Variants in ASTL observed in about 807,000 individuals in gnomAD.
The protein encoded by ASTL is astacin-like metalloendopeptidase.
In ASTL, 27 loss-of-function variants were observed where a neutral mutation model predicts 36.7. The ratio of observed to expected loss-of-function variants is 0.73; its 90% CI spans 0.54 to 1.01. The LOEUF is 1.01. Among genes scored for constraint, ASTL ranks in the 50% least tolerant of loss-of-function variants. ASTL has a pLI of 0.00. For missense variants in ASTL, 524 were observed against 572.8 expected (o/e 0.91, Z 0.87); for synonymous variants, 222 against 228.1 (o/e 0.97, Z 0.24).
intron 3 of ASTL, 42 bp downstream of exon 3, chr2:96,135,309 G>A (rs920379586): frequency 8.2e-6 from 13 of 1,588,164 alleles, no homozygotes; most frequent in Non-Finnish European, 1.1e-5. Context: ...GTCGCCAACT[G>A]TGGGCTTATC....
intron 8 of ASTL, among the ~76,000 whole-genome samples, chr2:96,129,167 ATATT>A (rs1682119292): frequency 6.6e-6 from 1 of 152,218 alleles, no homozygotes; most frequent in African/African-American, 2.4e-5. Context: ...AGATTTATCT[ATATT>A]TAAGTATTAT....
intron 8 of ASTL, among the ~76,000 whole-genome samples, chr2:96,127,737 T>C (rs1316397923): frequency 6.6e-6 from 1 of 152,064 alleles, no homozygotes; most frequent in Non-Finnish European, 1.5e-5. Context: ...ACTATCCCAC[T>C]AATTTTTGTA....
Position 96,123,858 on chromosome 2 carries a change from C to T in ASTL, c.1288G>A (p.Glu430Lys), listed in dbSNP as rs200161060. ...GGACAGAAGCCACAGGCTTAATCTT[C>T]GGACATCCCCTTGAAATGATTTCTA... ...VPRNHFKGMS[E>K]D The change falls in exon 9 of 9, where the codon GAA becomes AAA. Residue 430 changes from glutamate (E) to lysine (K), a missense_variant. Physicochemically the swap from Glu to Lys is moderately conservative, Grantham distance 56. Coordinates refer to ENST00000342380, the MANE Select transcript of ASTL (RefSeq NM_001002036.4). The T allele has an allele frequency of 1.2e-5, 19 of 1,612,262 alleles. No individual in the cohort carries two copies. The highest frequency in any genetic ancestry group is 6.7e-5 in the African/African-American group (5 of 74,618).
In ASTL at chr2:96,132,649, G is replaced by C; in HGVS notation, c.528C>G (p.Gly176=). The change falls in exon 6 of 9, where the codon GGC becomes GGG. Residue 176 remains glycine, a synonymous_variant. Coordinates refer to ENST00000342380, the MANE Select transcript of ASTL (RefSeq NM_001002036.4). The surrounding 1 kb of genome is among the most constrained non-coding windows in gnomAD (Gnocchi z 5.4). ...TGAGCTCATGAAGGACAATGCCCCG[G>C]CCCTTCTGGAGACACGTGGGCGCCA... The part of the protein sequence containing the change: ...VSLAPTCLQK[G]RGIVLHELMH... 2.5e-6 allele frequency: 4 copies of C among 1,613,612 alleles called. No homozygotes were observed. The highest frequency in any genetic ancestry group is 3.4e-6 in the Non-Finnish European group (4 of 1,179,794).
At chr2:96,130,609 G>T (rs1682157268) in intron 6 of ASTL, among the ~76,000 whole-genome samples, 1 of 152,162 alleles carries the variant, frequency 6.6e-6, no homozygotes, top group South Asian at 2.1e-4. Flanking sequence ...TGTTCTTCCT[G>T]TGTCAGGCCA....
Position 96,123,977 on chromosome 2 carries a change from C to T in ASTL, c.1169G>A (p.Gly390Glu), listed in dbSNP as rs140146222. ...GVAQEQSWLA[G>E]VSTKPTVPSS... is the part of the protein sequence containing the mutation. ...TGGGACTGTGGGCTTGGTGGACACTCCGGCCAGCCAGGACTGCTCCTGAGC... is the reference window on the plus strand; with the variant it reads ...TGGGACTGTGGGCTTGGTGGACACTTCGGCCAGCCAGGACTGCTCCTGAGC... Residue 390 changes from glycine (G) to glutamate (E), a missense_variant, in exon 9 of 9, where the codon GGA (glycine) becomes GAA (glutamate). By Grantham distance (98) the Gly-to-Glu change is moderately conservative. Coordinates refer to ENST00000342380, the MANE Select transcript of ASTL (RefSeq NM_001002036.4). 3 of 1,613,898 alleles carry T rather than the reference C, an allele frequency of 1.9e-6. No homozygotes were observed. The highest frequency in any genetic ancestry group is 2.5e-6 in the Non-Finnish European group (3 of 1,180,000).
In ASTL at chr2:96,122,937, G is replaced by C. The variant is rs1192808961; in HGVS notation, c.*913C>G. Among the ~76,000 whole-genome samples, 1 of 152,258 alleles carries C rather than the reference G, an allele frequency of 6.6e-6. No homozygotes were observed. The highest frequency in any genetic ancestry group is 1.5e-5 in the Non-Finnish European group (1 of 68,046). On this transcript the variant is annotated 3_prime_UTR_variant, in exon 9 of 9. Transcript: ENST00000342380. ...CACCAAAACAGTACCCTTGGGGACT[G>C]AGGGGCCTCTGGCCTAGGCCCACTC...
chr2:96,138,508 C>T (rs1455287107), upstream of ASTL: 9 of 1,305,570 alleles, frequency 6.9e-6, no homozygotes, highest in Admixed American at 1.9e-5. Flanking sequence ...ATTGCAGAAC[C>T]GGCACCACCA....
Position 96,123,043 on chromosome 2 carries a change from G to A in ASTL, c.*807C>T, listed in dbSNP as rs892200314. ...GAGCTGGGGCAGAGGAGTAGGGCCT[G>A]CCTGGAGGAGGCCAGGCTGGGAGCT... On this transcript the variant is annotated 3_prime_UTR_variant, in exon 9 of 9. Transcript: ENST00000342380. Among the ~76,000 whole-genome samples the A allele has an allele frequency of 5.9e-5, 9 of 152,110 alleles. No individual in the cohort carries two copies. Among genetic ancestry groups the A allele is most frequent in the African/African-American group, 1.4e-4 (6 of 41,422 alleles).
In ASTL at chr2:96,124,001, G is replaced by A; in HGVS notation, c.1145C>T (p.Ala382Val). The part of the protein sequence containing the change: ...SRPGAGAPGV[A>V]QEQSWLAGVS... Reference sequence around the variant, plus strand: ...TCCGGCCAGCCAGGACTGCTCCTGAGCAACACCGGGGGCACCTGCTCCAGG... The same window carrying A: ...TCCGGCCAGCCAGGACTGCTCCTGAACAACACCGGGGGCACCTGCTCCAGG... The change falls in exon 9 of 9, where the codon GCT (alanine) becomes GTT (valine). Residue 382 changes from alanine to valine, a missense_variant. By Grantham distance (64) the Ala-to-Val change is moderately conservative. Transcript: ENST00000342380. This position sits in a 1 kb window ranked among gnomAD's most constrained non-coding sequence, Gnocchi z 4.1. 2 of 1,614,020 alleles carry A rather than the reference G, an allele frequency of 1.2e-6. No individual in the cohort carries two copies. The highest frequency in any genetic ancestry group is 1.7e-6 in the Non-Finnish European group (2 of 1,179,970).
chr2:96,124,407 A>C lies in ASTL; in HGVS notation c.875-136T>G. 1.5e-6 allele frequency: 1 copy of C among 670,890 alleles called. No homozygotes were observed. 41.6% of individuals were successfully genotyped at this position (670,890 alleles called of 1,614,324 possible). On this transcript the variant is annotated intron_variant, in intron 8 of 8. Transcript: ENST00000342380. This position sits in a 1 kb window ranked among gnomAD's most constrained non-coding sequence, Gnocchi z 4.1. The stretch of plus-strand genomic sequence containing the variant: ...ACGGCCTAGTGCATCCAAGACCCAG[A>C]TTCCCACCCTACCAGAGACCAGGAC...
intron 6 of ASTL, among the ~76,000 whole-genome samples, chr2:96,130,590 A>C (rs960342721): frequency 6.6e-6 from 1 of 152,202 alleles, no homozygotes; most frequent in African/African-American, 2.4e-5. Flanking sequence ...CCCCAGTCAC[A>C]GGCCCACCTG....
intron 5 of ASTL, among the ~76,000 whole-genome samples, 194 bp downstream of exon 5, chr2:96,133,231 G>A (rs528223112): frequency 8.9e-4 from 136 of 152,300 alleles, no homozygotes; most frequent in African/African-American, 3.1e-3. Flanking sequence ...TAAATGGAGG[G>A]TCTAGCACCG....
chr2:96,129,920 G>A lies in ASTL; in HGVS notation c.778C>T (p.His260Tyr). The change falls in exon 8 of 9, where the codon CAC becomes TAC. Residue 260 changes from histidine (H) to tyrosine (Y), a missense_variant. Coordinates refer to ENST00000342380, the MANE Select transcript of ASTL (RefSeq NM_001002036.4). ...TITPLWAPSV[H>Y]IGQRWNLSAS... Reference sequence around the variant, plus strand: ...CTCAGGTTCCATCGCTGGCCGATGTGGACACTGGGGGCCCAAAGTGGTGTG... The same window carrying A: ...CTCAGGTTCCATCGCTGGCCGATGTAGACACTGGGGGCCCAAAGTGGTGTG... 3 of 1,606,888 alleles carry A rather than the reference G, an allele frequency of 1.9e-6. No homozygotes were observed. The highest frequency in any genetic ancestry group is 2.6e-6 in the Non-Finnish European group (3 of 1,174,784).
In ASTL at chr2:96,129,872, G is replaced by A; in HGVS notation, c.826C>T (p.Leu276Phe). 1 of 1,598,562 alleles carries A rather than the reference G, an allele frequency of 6.3e-7. No homozygotes were observed. The highest frequency in any genetic ancestry group is 8.6e-7 in the Non-Finnish European group (1 of 1,169,480). ...NLSASDITRVLKLYGCSPSGP... is the reference protein window; with the variant it reads ...NLSASDITRVFKLYGCSPSGP... ...CTTGGGCTGCAGCCGTAGAGTTTGA[G>A]GACCCGGGTGATGTCCGAGGCACTC... Residue 276 changes from leucine to phenylalanine, a missense_variant, in exon 8 of 9, where the codon CTC becomes TTC. Physicochemically the swap from Leu to Phe is conservative, Grantham distance 22. Coordinates refer to ENST00000342380, the MANE Select transcript of ASTL (RefSeq NM_001002036.4).
Position 96,130,083 on chromosome 2 carries a change from A to AG in ASTL, c.699dup (p.Ser234LeufsTer67). 2 of 1,614,038 alleles carry AG rather than the reference A, an allele frequency of 1.2e-6. No homozygotes were observed. The highest frequency in any genetic ancestry group is 1.7e-6 in the Non-Finnish European group (2 of 1,179,924). On this transcript the variant is annotated frameshift_variant, in exon 7 of 9. Transcript: ENST00000342380. LOFTEE classifies it high-confidence loss of function. ...CCTCACCTCCCATAGTGCATCACAG[A>AG]GGAGTAGTCATAGGGCGTCAGCATG...
At chr2:96,133,397 A>T in intron 5 of ASTL, 28 bp downstream of exon 5, 1 of 1,404,642 alleles carries the variant, frequency 7.1e-7, no homozygotes, top group Non-Finnish European at 1.0e-6. Flanking sequence ...AAGCGAGCTG[A>T]GATACGCATC....
At chr2:96,126,766 G>T (rs1296088270) in intron 8 of ASTL, among the ~76,000 whole-genome samples, 12 of 151,824 alleles carry the variant, frequency 7.9e-5, no homozygotes, top group Admixed American at 7.2e-4. Flanking sequence ...TGAGGCAGGA[G>T]AATTGCTTGA....
Position 96,132,709 on chromosome 2 carries a change from A to C in ASTL, c.468T>G (p.Ser156Arg), listed in dbSNP as rs766795734. ...SIIPMYGCFS[S>R]VGRSGGMQVV... ...CCTGCATCCCTCCACTGCGCCCCACACTCGAGAAGCACCTGCAGGGTGATG... is the reference window on the plus strand; with the variant it reads ...CCTGCATCCCTCCACTGCGCCCCACCCTCGAGAAGCACCTGCAGGGTGATG... The change falls in exon 6 of 9, where the codon AGT becomes AGG. Residue 156 changes from serine to arginine, a missense_variant. Coordinates refer to ENST00000342380, the MANE Select transcript of ASTL (RefSeq NM_001002036.4). This position sits in a 1 kb window ranked among gnomAD's most constrained non-coding sequence, Gnocchi z 5.4. 7 of 1,610,572 alleles carry C rather than the reference A, an allele frequency of 4.3e-6. No homozygotes were observed. In the Admixed American group the frequency reaches 1.2e-4, roughly 27 times the overall value.
Sources: allele counts gnomAD v4.1 joint callset (sites outside exome capture counted in the v4.1 genomes callset), GRCh38; gene constraint gnomAD v4.1.1; non-coding constraint Gnocchi (gnomAD v3.1); transcripts MANE v1.5; gene names NCBI Gene and HGNC (gene_info 2026-07-23, HGNC 2026-07-21).